The following ASCC3 variants were observed in gnomAD, a reference collection of about 807,000 sequenced individuals.
The protein encoded by ASCC3 is ASC-1 complex subunit P200.
Under a neutral mutation model 256.3 loss-of-function variants are expected in ASCC3, and 158 were observed. The ratio of observed to expected loss-of-function variants is 0.62; its 90% CI spans 0.54 to 0.70. The LOEUF is 0.70. ASCC3 is among the 30% of genes least tolerant of loss of function. ASCC3 has a pLI of 0.00. For missense variants in ASCC3, 2,259 were observed against 2,626.0 expected (o/e 0.86, Z 3.05); for synonymous variants, 948 against 883.4 (o/e 1.07, Z -1.30).
intron 10 of ASCC3, among the ~76,000 whole-genome samples, chr6:100,760,916 AGAAATAAAGGCTG>A (rs1781391484): frequency 6.6e-6 from 1 of 152,198 alleles, no homozygotes. Flanking sequence ...GACGGGTTGA[AGAAATAAAGGCTG>A]GAAACTTCCC....
rs373498485 is a variant in ASCC3 at position 100,694,290 on chromosome 6, G to T, written c.2152-14538C>A. On this transcript the variant is annotated intron_variant, in intron 13 of 41. Coordinates refer to ENST00000369162, the MANE Select transcript of ASCC3 (RefSeq NM_006828.4). ...GAGATTAGCCTGGGCAACAAAGGGA[G>T]ACCCCATCTCTAGAATAAATTAAAA... 2.7e-5 allele frequency among the ~76,000 whole-genome samples: 4 copies of T among 150,262 alleles called. No homozygotes were observed. The Admixed American group carries it at 2.7e-4, about 10-fold the overall frequency.
intron 17 of ASCC3, 130 bp downstream of exon 17, chr6:100,655,569 A>G (rs141767154): frequency 0.01 from 10,857 of 1,061,922 alleles, 91 homozygotes; most frequent in Non-Finnish European, 0.012. Flanking sequence ...GAAAAATATT[A>G]AATCTCTTGT....
chr6:100,769,550 A>G (rs1238658321), intron 8 of ASCC3, among the ~76,000 whole-genome samples: 3 of 151,840 alleles, frequency 2.0e-5, no homozygotes, highest in Admixed American at 2.0e-4. Flanking sequence ...CAAAGGTTTC[A>G]AAAGAACAAC....
At chr6:100,725,406 C>T in intron 11 of ASCC3, 133 bp downstream of exon 11, 1 of 1,093,422 alleles carries the variant, frequency 9.1e-7, no homozygotes, top group Non-Finnish European at 1.3e-6. Context: ...TACATTCCCC[C>T]TTTTAAAAAT....
At chr6:100,689,475 T>C (rs1777733645) in intron 13 of ASCC3, among the ~76,000 whole-genome samples, 2 of 152,198 alleles carry the variant, frequency 1.3e-5, no homozygotes, top group Admixed American at 6.5e-5. Context: ...GTTATATCTC[T>C]TCCTTGAATG....
chr6:100,561,786 T>C (rs1769964353), intron 36 of ASCC3, among the ~76,000 whole-genome samples: 1 of 152,104 alleles, frequency 6.6e-6, no homozygotes, highest in Non-Finnish European at 1.5e-5. Flanking sequence ...ATCTTACAAA[T>C]TTATTATACT....
rs7755630 is a variant in ASCC3, at chr6:100,642,669, T to C, written c.3813A>G (p.Ala1271=). 5 of 1,613,824 alleles carry C rather than the reference T, an allele frequency of 3.1e-6. No individual in the cohort carries two copies. Among genetic ancestry groups the C allele is most frequent in the Non-Finnish European group, 4.2e-6 (5 of 1,179,882 alleles). ...CAGCACCCAACCATCTATCAGACACTGCTCGGATGTAGTATTGGGAAGGCA... is the reference window on the plus strand; with the variant it reads ...CAGCACCCAACCATCTATCAGACACCGCTCGGATGTAGTATTGGGAAGGCA... ...EPLPSQYYIR[A]VSDRWLGAEA... is the part of the protein sequence containing the mutation. The change falls in exon 24 of 42, where the codon GCA becomes GCG. Residue 1271 remains alanine (A), a synonymous_variant. Transcript: ENST00000369162.
At chr6:100,688,284 A>G (rs1777679623) in intron 13 of ASCC3, among the ~76,000 whole-genome samples, 1 of 151,878 alleles carries the variant, frequency 6.6e-6, no homozygotes, top group Admixed American at 6.6e-5. Context: ...AAAAAACAAC[A>G]ACAGGAACTC....
At chr6:100,652,097 T>A (rs956963126) in intron 18 of ASCC3, among the ~76,000 whole-genome samples, 3 of 151,856 alleles carry the variant, frequency 2.0e-5, no homozygotes, top group African/African-American at 7.3e-5. Context: ...TACAGAAAAT[T>A]AGAAAACTGA....
At chr6:100,869,826 A>G (rs1471588134) in intron 1 of ASCC3, among the ~76,000 whole-genome samples, 1 of 152,164 alleles carries the variant, frequency 6.6e-6, no homozygotes, top group Non-Finnish European at 1.5e-5. Flanking sequence ...TCCTGCAAAC[A>G]ACCAAACGTA....
intron 37 of ASCC3, among the ~76,000 whole-genome samples, chr6:100,536,523 C>G (rs1327743445): frequency 1.3e-5 from 2 of 152,138 alleles, no homozygotes; most frequent in Non-Finnish European, 2.9e-5. Context: ...CTCTTATCAC[C>G]CGGGCTGGAG....
intron 4 of ASCC3, among the ~76,000 whole-genome samples, chr6:100,838,723 A>C (rs942963208): frequency 6.6e-6 from 1 of 152,088 alleles, no homozygotes; most frequent in Admixed American, 6.6e-5. Flanking sequence ...GTACCACTAC[A>C]TATTTAAAAG....
chr6:100,560,463 G>A (rs1478426026), intron 36 of ASCC3, among the ~76,000 whole-genome samples: 1 of 151,998 alleles, frequency 6.6e-6, no homozygotes, highest in East Asian at 1.9e-4. Context: ...CGTGCCCTGA[G>A]GATTAGAGAC....
chr6:100,858,684 C>T (rs1773077440), intron 3 of ASCC3: 2 of 1,009,500 alleles, frequency 2.0e-6, no homozygotes, highest in South Asian at 4.1e-5. Flanking sequence ...TTTGCTGACA[C>T]ATTTGACAGT....
chr6:100,830,401 T>C (rs1254996613), intron 4 of ASCC3, among the ~76,000 whole-genome samples: 1 of 152,252 alleles, frequency 6.6e-6, no homozygotes, highest in Non-Finnish European at 1.5e-5. Flanking sequence ...ACCCACTACA[T>C]AGATATAACA....
At chr6:100,615,903 G>T (rs1449502199) in intron 30 of ASCC3, among the ~76,000 whole-genome samples, 1 of 152,144 alleles carries the variant, frequency 6.6e-6, no homozygotes, top group Non-Finnish European at 1.5e-5. Context: ...TCATTTAGAG[G>T]TATGAGGCTT....
At chr6:100,590,645 C>A (rs76641091) in intron 34 of ASCC3, among the ~76,000 whole-genome samples, 4,848 of 152,120 alleles carry the variant, frequency 0.032, 93 homozygotes, top group African/African-American at 0.061. Context: ...CTTAGAGAAC[C>A]GGTTCTCATC....
At chr6:100,594,338 G>T (rs183527069) in intron 34 of ASCC3, among the ~76,000 whole-genome samples, 5 of 152,112 alleles carry the variant, frequency 3.3e-5, no homozygotes, top group African/African-American at 9.6e-5. Flanking sequence ...AGATGATAAG[G>T]ATTATTAAGG....
At chr6:100,509,629 G>C in intron 41 of ASCC3, 96 bp from the exon 42 acceptor site, 1 of 1,219,108 alleles carries the variant, frequency 8.2e-7, no homozygotes, top group Non-Finnish European at 1.2e-6. Context: ...GGCTGGGTGC[G>C]GTGGCTCACG....
Sources: gnomAD v4.1 joint callset for allele counts (sites outside exome capture counted in the v4.1 genomes callset) on GRCh38, gnomAD v4.1.1 for gene constraint, MANE v1.5 for transcripts, NCBI Gene and HGNC (gene_info 2026-07-23, HGNC 2026-07-21) for gene names.